KIAA1328: variants seen among roughly 807,000 people sequenced by gnomAD.
KIAA1328 encodes KIAA1328.
Under a neutral mutation model 68.1 loss-of-function variants are expected in KIAA1328, and 52 were observed. That is an observed-to-expected ratio of 0.76 (90% CI 0.61 to 0.96). The LOEUF (loss-of-function observed/expected upper bound fraction) is 0.96, where lower values mean the gene tolerates loss of function less well. KIAA1328 is among the 40% of genes least tolerant of loss of function. The pLI, the probability that KIAA1328 is intolerant of heterozygous loss-of-function variation, is 0.00. For synonymous variants in KIAA1328, 232 were observed against 239.4 expected, an observed-to-expected ratio of 0.97 and a Z score of 0.28; for missense variants, 641 against 677.6, an observed-to-expected ratio of 0.95 and a Z score of 0.60.
chr18:37,097,963 G>A (rs1347468605), intron 7 of KIAA1328, among the ~76,000 whole-genome samples: 7 of 152,140 alleles, frequency 4.6e-5, no homozygotes, highest in Non-Finnish European at 1.0e-4. Context: ...TCAGCTTAAG[G>A]AGATTTTGGG....
chr18:37,152,977 C>T (rs531814604), intron 7 of KIAA1328, among the ~76,000 whole-genome samples: 84 of 152,204 alleles, frequency 5.5e-4, no homozygotes, highest in African/African-American at 1.9e-3. Flanking sequence ...CATGGAGGCT[C>T]CATCTTTACT....
At chr18:36,898,984 GT>G (rs1399280705) in intron 5 of KIAA1328, among the ~76,000 whole-genome samples, 1 of 151,728 alleles carries the variant, frequency 6.6e-6, no homozygotes, top group East Asian at 1.9e-4. Flanking sequence ...CCCTTTATTT[GT>G]TTTTCTTGCC....
At chr18:37,176,963 A>G in intron 9 of KIAA1328, among the ~76,000 whole-genome samples, 1 of 152,248 alleles carries the variant, frequency 6.6e-6, no homozygotes, top group East Asian at 1.9e-4. Context: ...AGTAATGATA[A>G]TTAGCAACCA....
chr18:37,044,324 C>T (rs1419564187), intron 6 of KIAA1328, among the ~76,000 whole-genome samples: 1 of 151,994 alleles, frequency 6.6e-6, no homozygotes, highest in Non-Finnish European at 1.5e-5. Context: ...AACTATGGAT[C>T]CTATCCGTCA....
intron 7 of KIAA1328, among the ~76,000 whole-genome samples, chr18:37,114,887 C>G (rs994393341): frequency 6.6e-6 from 1 of 152,124 alleles, no homozygotes; most frequent in African/African-American, 2.4e-5. Flanking sequence ...CTATAAACAC[C>G]TCTACGCAAA....
At chr18:37,017,200 T>A (rs2054182892) in intron 6 of KIAA1328, among the ~76,000 whole-genome samples, 1 of 152,150 alleles carries the variant, frequency 6.6e-6, no homozygotes, top group South Asian at 2.1e-4. Context: ...TATTTCTGCC[T>A]TGATTTTGTC....
chr18:36,992,451 CTTTTTTTTT>C (rs71168252), intron 6 of KIAA1328, among the ~76,000 whole-genome samples: 2 of 130,100 alleles, frequency 1.5e-5, no homozygotes, highest in African/African-American at 3.5e-5. Context: ...TCTTTTCTTT[CTTTTTTTTT>C]TTTTTTTTTT....
At chr18:37,099,255 A>G (rs1599260134) in intron 7 of KIAA1328, among the ~76,000 whole-genome samples, 1 of 152,200 alleles carries the variant, frequency 6.6e-6, no homozygotes, top group East Asian at 1.9e-4. Context: ...AATGTGTCCC[A>G]GAGATTCTGG....
chr18:37,080,776 T>A (rs1392346760), intron 7 of KIAA1328, among the ~76,000 whole-genome samples: 10 of 148,414 alleles, frequency 6.7e-5, no homozygotes, highest in African/African-American at 2.3e-4. Flanking sequence ...CGAGACTCTG[T>A]CTGAAAAAAA....
intron 5 of KIAA1328, among the ~76,000 whole-genome samples, chr18:36,891,309 A>G (rs1047116972): frequency 1.3e-5 from 2 of 152,168 alleles, no homozygotes; most frequent in African/African-American, 4.8e-5. Context: ...TGTTTTAATT[A>G]TTTTATTTCA....
chr18:36,935,217 G>A (rs2050455225), intron 5 of KIAA1328, among the ~76,000 whole-genome samples: 1 of 152,184 alleles, frequency 6.6e-6, no homozygotes, highest in African/African-American at 2.4e-5. Context: ...AGACTTGAAT[G>A]GTTGGTTACA....
intron 5 of KIAA1328, among the ~76,000 whole-genome samples, chr18:36,936,053 TA>T (rs990441530): frequency 6.6e-6 from 1 of 152,216 alleles, no homozygotes; most frequent in African/African-American, 2.4e-5. Context: ...TCTGCAGTTT[TA>T]AAAAATGTTT....
intron 9 of KIAA1328, among the ~76,000 whole-genome samples, chr18:37,176,541 A>C (rs2059600573): frequency 6.6e-6 from 1 of 152,198 alleles, no homozygotes; most frequent in Admixed American, 6.5e-5. Flanking sequence ...GAGAATAAGC[A>C]CAGTGGTCAT....
chr18:36,969,512 C>G (rs1029620701), intron 6 of KIAA1328, among the ~76,000 whole-genome samples: 1 of 152,142 alleles, frequency 6.6e-6, no homozygotes, highest in African/African-American at 2.4e-5. Flanking sequence ...ATGAACACCT[C>G]TATGCACACA....
intron 9 of KIAA1328, among the ~76,000 whole-genome samples, chr18:37,187,380 A>T (rs1464567087): frequency 6.6e-6 from 1 of 152,158 alleles, no homozygotes; most frequent in African/African-American, 2.4e-5. Flanking sequence ...TCTTCTCACC[A>T]CATGGGCTAC....
intron 9 of KIAA1328, among the ~76,000 whole-genome samples, chr18:37,196,079 C>A (rs1459348212): frequency 6.6e-6 from 1 of 151,556 alleles, no homozygotes; most frequent in African/African-American, 2.4e-5. Context: ...TTCTTAGTTT[C>A]TTTTTCAGAT....
At chr18:37,053,474 A>T (rs1012874325) in intron 6 of KIAA1328, among the ~76,000 whole-genome samples, 1 of 152,224 alleles carries the variant, frequency 6.6e-6, no homozygotes, top group Non-Finnish European at 1.5e-5. Context: ...ACAGAAATAA[A>T]AATATATGAA....
intron 9 of KIAA1328, among the ~76,000 whole-genome samples, chr18:37,174,079 C>T (rs1336052776): frequency 1.3e-5 from 2 of 152,180 alleles, no homozygotes; most frequent in African/African-American, 4.8e-5. Flanking sequence ...AAGTATCTGC[C>T]ATGTCCCTAG....
At chr18:36,867,938 G>A (rs2047811690) in intron 4 of KIAA1328, among the ~76,000 whole-genome samples, 1 of 152,102 alleles carries the variant, frequency 6.6e-6, no homozygotes, top group South Asian at 2.1e-4. Context: ...AGAAATCTCT[G>A]GTTCATAATT....
Sources: gnomAD v4.1 joint callset for allele counts (sites outside exome capture counted in the v4.1 genomes callset) on GRCh38, gnomAD v4.1.1 for gene constraint, MANE v1.5 for transcripts, NCBI Gene and HGNC (gene_info 2026-07-23, HGNC 2026-07-21) for gene names.